FOXP1: variants seen among roughly 807,000 people sequenced by gnomAD.
The protein encoded by FOXP1 is forkhead box protein P1.
FOXP1 carries 15 observed loss-of-function variants against 98.2 expected under a neutral mutation model. The ratio of observed to expected loss-of-function variants is 0.15; its 90% CI spans 0.10 to 0.24. The LOEUF is 0.24. Ranked by LOEUF, FOXP1 falls within the 10% of genes least tolerant of loss-of-function variation. The pLI, the probability that FOXP1 is intolerant of heterozygous loss-of-function variation, is 1.00. For missense variants in FOXP1, 633 were observed against 848.5 expected, an observed-to-expected ratio of 0.75 and a Z score of 3.15; for synonymous variants, 371 against 314.5, an observed-to-expected ratio of 1.18 and a Z score of -1.90.
At chr3:71,132,113 G>C (rs146605027) in intron 6 of FOXP1, among the ~76,000 whole-genome samples, 179 of 152,282 alleles carry the variant, frequency 1.2e-3, no homozygotes, top group Non-Finnish European at 1.9e-3. Flanking sequence ...CCAAAATCCT[G>C]CATTTTATTA....
intron 7 of FOXP1, among the ~76,000 whole-genome samples, chr3:71,067,211 C>G (rs1479517255): frequency 6.6e-6 from 1 of 152,270 alleles, no homozygotes; most frequent in Non-Finnish European, 1.5e-5. Context: ...TATGGTGACT[C>G]AGAGACTACT....
At chr3:71,583,384 G>T (rs770026869) in intron 1 of FOXP1, 187 bp downstream of exon 1, 48 of 861,242 alleles carry the variant, frequency 5.6e-5, no homozygotes, top group Non-Finnish European at 6.7e-5. Flanking sequence ...AGAGGGGAGG[G>T]CTGGGGGAGA....
chr3:70,969,237 A>AAAAT (rs1365842021), intron 19 of FOXP1: 5 of 152,084 alleles, frequency 3.3e-5, no homozygotes, highest in African/African-American at 9.7e-5. Flanking sequence ...GACTCCAGGG[A>AAAAT]AAATAAGTTA....
At chr3:71,009,740 T>C (rs1386881001) in intron 12 of FOXP1, among the ~76,000 whole-genome samples, 1 of 152,076 alleles carries the variant, frequency 6.6e-6, no homozygotes, top group Non-Finnish European at 1.5e-5. Flanking sequence ...GTACTTTTTA[T>C]TTACTCATTC....
chr3:71,549,531 C>G (rs1226071134), intron 2 of FOXP1, among the ~76,000 whole-genome samples: 1 of 152,148 alleles, frequency 6.6e-6, no homozygotes, highest in Non-Finnish European at 1.5e-5. Flanking sequence ...TACACCATCA[C>G]ACCTGGATAA....
At chr3:71,338,955 G>C (rs1436728440) in intron 4 of FOXP1, among the ~76,000 whole-genome samples, 7 of 152,078 alleles carry the variant, frequency 4.6e-5, no homozygotes, top group Admixed American at 2.6e-4. Flanking sequence ...AAGAACACTA[G>C]GATGGTTTAA....
intron 11 of FOXP1, among the ~76,000 whole-genome samples, chr3:71,017,605 CT>C (rs35588204): frequency 2.6e-5 from 4 of 151,756 alleles, no homozygotes; most frequent in African/African-American, 9.7e-5. Context: ...TAAATACTTT[CT>C]CATGTTCTCA....
chr3:71,170,112 A>G (rs2061576598), intron 6 of FOXP1, among the ~76,000 whole-genome samples: 1 of 152,222 alleles, frequency 6.6e-6, no homozygotes, highest in Admixed American at 6.5e-5. Context: ...ATTTATCTTC[A>G]GCAAACTTAG....
At chr3:71,409,990 G>A (rs1481015152) in intron 3 of FOXP1, among the ~76,000 whole-genome samples, 1 of 152,130 alleles carries the variant, frequency 6.6e-6, no homozygotes, top group Non-Finnish European at 1.5e-5. Flanking sequence ...ACTCCAGCCT[G>A]AACAACAGCA....
intron 20 of FOXP1, among the ~76,000 whole-genome samples, chr3:70,963,612 T>A (rs565233590): frequency 6.6e-6 from 1 of 152,298 alleles, no homozygotes; most frequent in South Asian, 2.1e-4. Flanking sequence ...ACCACACATT[T>A]CCCTTCTCCT....
In FOXP1 at chr3:71,497,021, T is replaced by A. The variant is rs112498710; in HGVS notation, c.-297-3466A>T. On this transcript the variant is annotated intron_variant, in intron 2 of 20. Transcript: ENST00000649528. Reference sequence around the variant, plus strand: ...TCAACAGTCACAGGACTGAATTCCATCTTCATGGAACCCCATAGCTAACTA... The same window carrying A: ...TCAACAGTCACAGGACTGAATTCCAACTTCATGGAACCCCATAGCTAACTA... Among the ~76,000 whole-genome samples the A allele has an allele frequency of 5.2e-3, 772 of 149,254 alleles. 8 individuals are homozygous for A. Among genetic ancestry groups the A allele is most frequent in the African/African-American group, 0.018 (737 of 40,398 alleles).
chr3:71,477,837 A>T (rs970950612), intron 3 of FOXP1, among the ~76,000 whole-genome samples: 5 of 152,238 alleles, frequency 3.3e-5, no homozygotes. Context: ...ACTGAAATAG[A>T]TCTTCAGAAT....
At chr3:71,163,707 A>C (rs917089950) in intron 6 of FOXP1, among the ~76,000 whole-genome samples, 3 of 152,178 alleles carry the variant, frequency 2.0e-5, no homozygotes, top group African/African-American at 7.2e-5. Context: ...TTAGTTCATC[A>C]TTCCTATGTG....
At chr3:70,968,167 G>A (rs2035364079) in intron 19 of FOXP1, among the ~76,000 whole-genome samples, 2 of 152,010 alleles carry the variant, frequency 1.3e-5, no homozygotes, top group South Asian at 4.1e-4. Flanking sequence ...ACTGATCCCT[G>A]GGTTCTCAGG....
intron 7 of FOXP1, among the ~76,000 whole-genome samples, chr3:71,087,932 GA>G (rs1241389187): frequency 6.6e-6 from 1 of 152,164 alleles, no homozygotes; most frequent in Non-Finnish European, 1.5e-5. Flanking sequence ...TGTGGGGAGA[GA>G]AAGGGGAAAT....
chr3:71,067,765 A>ACACACACACACACACAC (rs1559862436), intron 7 of FOXP1, among the ~76,000 whole-genome samples: 1 of 12,084 alleles, frequency 8.3e-5, no homozygotes, highest in African/African-American at 1.5e-4. Context: ...CACACACACA[A>ACACACACACACACACAC]TTAGCCACGT....
chr3:71,412,601 G>A (rs191110820), intron 3 of FOXP1, among the ~76,000 whole-genome samples: 358 of 152,246 alleles, frequency 2.4e-3, no homozygotes, highest in African/African-American at 8.4e-3. Context: ...GCACCATTCT[G>A]AACAACTCAA....
intron 3 of FOXP1, among the ~76,000 whole-genome samples, chr3:71,456,207 G>A (rs540895647): frequency 5.9e-5 from 9 of 152,228 alleles, no homozygotes; most frequent in Admixed American, 3.3e-4. Flanking sequence ...CAAACAAGTC[G>A]CCCTTGCTGT....
At chr3:71,010,173 TC>T (rs1455057598) in intron 12 of FOXP1, among the ~76,000 whole-genome samples, 1 of 152,108 alleles carries the variant, frequency 6.6e-6, no homozygotes, top group Non-Finnish European at 1.5e-5. Flanking sequence ...AATAATGTCC[TC>T]ACTACCCAGT....
Sources: allele counts gnomAD v4.1 joint callset (sites outside exome capture counted in the v4.1 genomes callset), GRCh38; gene constraint gnomAD v4.1.1; transcripts MANE v1.5; gene names NCBI Gene and HGNC (gene_info 2026-07-23, HGNC 2026-07-21).